The following TARP variants were observed in gnomAD, a reference collection of about 807,000 sequenced individuals.
chr7:38,265,435 A>C, the TARP span: 1 of 1,611,800 alleles, frequency 6.2e-7, no homozygotes, highest in Non-Finnish European at 8.5e-7. Flanking sequence ...TTCTTTGTCC[A>C]GTGACTTTTC....
the TARP span, among the ~76,000 whole-genome samples, chr7:38,262,558 G>C: frequency 6.6e-6 from 1 of 151,624 alleles, no homozygotes; most frequent in Non-Finnish European, 1.5e-5. Flanking sequence ...CTTGTTCAAT[G>C]GAAAAATAAA....
At chr7:38,271,008 T>G in the TARP span, among the ~76,000 whole-genome samples, 1 of 150,904 alleles carries the variant, frequency 6.6e-6, no homozygotes, top group African/African-American at 2.4e-5. Context: ...TTTTTCTCCT[T>G]CTTTTGAGCA....
At chr7:38,271,328 T>A in the TARP span, among the ~76,000 whole-genome samples, 3 of 151,546 alleles carry the variant, frequency 2.0e-5, no homozygotes, top group Non-Finnish European at 2.9e-5. Context: ...ATACTAAATT[T>A]AGATAGAAAG....
At chr7:38,265,997 C>T in the TARP span, among the ~76,000 whole-genome samples, 1 of 151,400 alleles carries the variant, frequency 6.6e-6, no homozygotes, top group African/African-American at 2.4e-5. Context: ...CCTACCAGGG[C>T]TTCCAAAGTT....
chr7:38,269,909 G>T, the TARP span, among the ~76,000 whole-genome samples: 4 of 151,904 alleles, frequency 2.6e-5, no homozygotes, highest in South Asian at 8.3e-4. Flanking sequence ...AGGCCAGCCT[G>T]GGCAACACAG....
At chr7:38,265,648 T>C in the TARP span, 4 of 1,606,914 alleles carry the variant, frequency 2.5e-6, no homozygotes, top group Non-Finnish European at 3.4e-6. Flanking sequence ...AATAGTGGGC[T>C]TGGGGGAAAC....
the TARP span, among the ~76,000 whole-genome samples, chr7:38,264,515 C>A: frequency 6.6e-6 from 1 of 150,576 alleles, no homozygotes; most frequent in African/African-American, 2.5e-5. Flanking sequence ...CACTTGAACC[C>A]GGGAGGTGGA....
At chr7:38,261,802 G>A in the TARP span, among the ~76,000 whole-genome samples, 1 of 149,194 alleles carries the variant, frequency 6.7e-6, no homozygotes, top group African/African-American at 2.5e-5. Context: ...AAGCCGGGAG[G>A]CGGAGGTTGT....
chr7:38,265,798 A>C, the TARP span: 1 of 765,494 alleles, frequency 1.3e-6, no homozygotes, highest in Non-Finnish European at 2.1e-6. Context: ...GCTGGTGTCC[A>C]CTGCGGCCTT....
At chr7:38,262,056 T>C in the TARP span, 2 of 847,266 alleles carry the variant, frequency 2.4e-6, no homozygotes, top group South Asian at 1.5e-5. Flanking sequence ...TAATTTAAAA[T>C]ATCACTAGGT....
At chr7:38,271,880 T>C in the TARP span, among the ~76,000 whole-genome samples, 34 of 151,472 alleles carry the variant, frequency 2.2e-4, no homozygotes, top group Non-Finnish European at 4.6e-4. Context: ...GATATTGATA[T>C]AATTTTTAAC....
the TARP span, among the ~76,000 whole-genome samples, chr7:38,264,755 C>A: frequency 6.6e-6 from 1 of 151,706 alleles, no homozygotes; most frequent in Non-Finnish European, 1.5e-5. Context: ...AGTGGTAAGA[C>A]TACCCTCAAG....
the TARP span, among the ~76,000 whole-genome samples, chr7:38,266,546 C>T: frequency 2.0e-5 from 3 of 151,882 alleles, no homozygotes; most frequent in Non-Finnish European, 4.4e-5. Flanking sequence ...AAGTGATCTG[C>T]CTGCCTCAGC....
the TARP span, chr7:38,265,406 G>A: frequency 6.8e-6 from 11 of 1,612,228 alleles, no homozygotes; most frequent in African/African-American, 1.4e-5. Context: ...TTATTCTCAT[G>A]TCTGACGATA....
At chr7:38,262,260 G>C in the TARP span, 5 of 1,444,676 alleles carry the variant, frequency 3.5e-6, no homozygotes. Context: ...GTTCGTGTGT[G>C]TGTGTGTAAT....
At chr7:38,264,448 A>T in the TARP span, among the ~76,000 whole-genome samples, 1 of 151,390 alleles carries the variant, frequency 6.6e-6, no homozygotes, top group African/African-American at 2.4e-5. Context: ...AAAATTAGCC[A>T]GGTGTGGTGG....
chr7:38,264,330 C>T, the TARP span, among the ~76,000 whole-genome samples: 18 of 151,684 alleles, frequency 1.2e-4, no homozygotes, highest in Non-Finnish European at 2.4e-4. Flanking sequence ...CAGTGGCTGA[C>T]GCCCATAATC....
the TARP span, chr7:38,273,463 C>T: frequency 3.7e-6 from 3 of 801,976 alleles, no homozygotes; most frequent in Non-Finnish European, 6.0e-6. Context: ...AACCAAGTCA[C>T]CTGACCTCTC....
At chr7:38,273,557 T>C in the TARP span, 2 of 1,571,960 alleles carry the variant, frequency 1.3e-6, no homozygotes, top group South Asian at 2.2e-5. Context: ...CCATCCCTTC[T>C]TTACATTGCA....
Sources: allele counts gnomAD v4.1 joint callset (sites outside exome capture counted in the v4.1 genomes callset), GRCh38; gene constraint gnomAD v4.1.1; transcripts MANE v1.5.